Variants in HS6ST1 observed in about 807,000 individuals in gnomAD.
HS6ST1 encodes heparan-sulfate 6-O-sulfotransferase 1.
In HS6ST1, 3 loss-of-function variants were observed where a neutral mutation model predicts 25.2. That is an observed-to-expected ratio of 0.12 (90% confidence interval 0.05 to 0.31). The LOEUF (loss-of-function observed/expected upper bound fraction) is 0.31, where lower values mean the gene tolerates loss of function less well. Ranked by LOEUF, HS6ST1 falls within the 10% of genes least tolerant of loss-of-function variation. The pLI is 1.00. For synonymous variants in HS6ST1, 204 were observed against 275.1 expected, an observed-to-expected ratio of 0.74 and a Z score of 2.56; for missense variants, 310 against 609.6, an observed-to-expected ratio of 0.51 and a Z score of 5.18.
chr2:128,318,767 A>G lies in HS6ST1; in HGVS notation c.-204T>C, dbSNP rs1034463837. 7.6e-5 allele frequency among the ~76,000 whole-genome samples: 11 copies of G among 144,376 alleles called. No homozygotes were observed. Among genetic ancestry groups the G allele is most frequent in the Non-Finnish European group, 1.4e-4 (9 of 65,470 alleles). The allele number at this position is 144,376 out of a possible 152,430, so 94.7% of individuals were successfully genotyped here. A position where few individuals can be genotyped will look rare whatever the true frequency, so the allele number is the denominator to read the frequency against. On this transcript the variant is annotated 5_prime_UTR_variant, in exon 1 of 2. Transcript: ENST00000259241. The surrounding 1 kb of genome is among the most constrained non-coding windows in gnomAD (Gnocchi z 5.7). Reference sequence around the variant, plus strand: ...CCCGGCTCCCCGGGCCCGACGCCCGACTCCGCTCCCGCTCGGCCCCGCTCC... The same window carrying G: ...CCCGGCTCCCCGGGCCCGACGCCCGGCTCCGCTCCCGCTCGGCCCCGCTCC...
At chr2:128,278,420 A>AGAT (rs535069053) in intron 1 of HS6ST1, among the ~76,000 whole-genome samples, 281 of 152,214 alleles carry the variant, frequency 1.8e-3, no homozygotes, top group African/African-American at 6.1e-3. Flanking sequence ...GGGGCACAGG[A>AGAT]GATTGGAGCC....
At chr2:128,297,925 T>C (rs1385093125) in intron 1 of HS6ST1, among the ~76,000 whole-genome samples, 1 of 152,016 alleles carries the variant, frequency 6.6e-6, no homozygotes, top group African/African-American at 2.4e-5. Flanking sequence ...TGGAAGAAAA[T>C]ATTTGTAAAT....
chr2:128,272,458 C>G (rs1306443478), intron 1 of HS6ST1, among the ~76,000 whole-genome samples: 1 of 152,222 alleles, frequency 6.6e-6, no homozygotes, highest in Non-Finnish European at 1.5e-5. Flanking sequence ...CTAGTAGCCC[C>G]AGATGGCACG....
intron 1 of HS6ST1, among the ~76,000 whole-genome samples, chr2:128,278,504 G>C (rs1693729888): frequency 6.6e-6 from 1 of 152,212 alleles, no homozygotes; most frequent in Admixed American, 6.5e-5. Flanking sequence ...AGACATGGCA[G>C]GGCTGCCTCA....
At chr2:128,303,959 G>GGAA (rs1694170214) in intron 1 of HS6ST1, among the ~76,000 whole-genome samples, 1 of 152,202 alleles carries the variant, frequency 6.6e-6, no homozygotes, top group Admixed American at 6.5e-5. Flanking sequence ...GGAAGGTGGA[G>GGAA]GAAGGGTGAA....
At chr2:128,291,823 C>T (rs953539215) in intron 1 of HS6ST1, among the ~76,000 whole-genome samples, 11 of 152,354 alleles carry the variant, frequency 7.2e-5, no homozygotes, top group Non-Finnish European at 1.2e-4. Flanking sequence ...GCAGGGGCGC[C>T]GGCGGGCATC....
At chr2:128,269,978 C>T (rs961764420) in intron 1 of HS6ST1, among the ~76,000 whole-genome samples, 2 of 152,206 alleles carry the variant, frequency 1.3e-5, no homozygotes, top group Non-Finnish European at 2.9e-5. Context: ...CTGATCTGAC[C>T]GCACACCTCC....
chr2:128,293,294 G>A (rs548238217), intron 1 of HS6ST1, among the ~76,000 whole-genome samples: 1 of 152,340 alleles, frequency 6.6e-6, no homozygotes, highest in Non-Finnish European at 1.5e-5. Context: ...CCATAAGCCT[G>A]CCCAAGGGCC....
chr2:128,311,437 C>A (rs185571009), intron 1 of HS6ST1, among the ~76,000 whole-genome samples: 1 of 152,276 alleles, frequency 6.6e-6, no homozygotes, highest in East Asian at 1.9e-4. Flanking sequence ...TCTGACTGGG[C>A]CCCACATGCT....
At position 128,269,821 on chromosome 2, in the gene HS6ST1, C is replaced by A. The variant is rs749247406; in HGVS notation, c.528-951G>T. Among the ~76,000 whole-genome samples, 8 of 152,218 alleles carry A rather than the reference C, an allele frequency of 5.3e-5. 1 individual carries two copies. Among genetic ancestry groups the A allele is most frequent in the Non-Finnish European group, 8.8e-5 (6 of 68,034 alleles). On this transcript the variant is annotated intron_variant, in intron 1 of 1. Transcript: ENST00000259241. ...GCAGCTCCAGAAGGGCCCTGACCCC[C>A]CGCCAGGATTCCCCAGATGGCAACA...
chr2:128,274,294 A>G (rs1693657831), intron 1 of HS6ST1, among the ~76,000 whole-genome samples: 1 of 151,992 alleles, frequency 6.6e-6, no homozygotes, highest in African/African-American at 2.4e-5. Flanking sequence ...TAAAAAGTTG[A>G]CCCTTGAAGC....
chr2:128,291,375 G>A (rs1046209462), intron 1 of HS6ST1, among the ~76,000 whole-genome samples: 4 of 152,270 alleles, frequency 2.6e-5, no homozygotes, highest in Non-Finnish European at 5.9e-5. Flanking sequence ...CGCTCAGTGA[G>A]GTGTGAGTCC....
intron 1 of HS6ST1, among the ~76,000 whole-genome samples, chr2:128,300,178 C>T (rs944171244): frequency 7.2e-5 from 11 of 152,350 alleles, no homozygotes; most frequent in African/African-American, 2.6e-4. Flanking sequence ...GAACTACAGG[C>T]CCATCCCCAA....
chr2:128,276,884 C>G (rs1313862007), intron 1 of HS6ST1, among the ~76,000 whole-genome samples: 1 of 152,164 alleles, frequency 6.6e-6, no homozygotes, highest in East Asian at 1.9e-4. Context: ...ACGAGCTACG[C>G]TGCTGTGGTG....
At chr2:128,300,629 G>T (rs1694110512) in intron 1 of HS6ST1, among the ~76,000 whole-genome samples, 1 of 152,292 alleles carries the variant, frequency 6.6e-6, no homozygotes, top group South Asian at 2.1e-4. Context: ...CTCTTCGGGG[G>T]AGGCTGTAAC....
intron 1 of HS6ST1, among the ~76,000 whole-genome samples, chr2:128,303,297 C>T (rs71420836): frequency 0.076 from 11,582 of 152,300 alleles, 652 homozygotes; most frequent in South Asian, 0.12. Context: ...CTCAGGGACA[C>T]GGGGCCATGC....
intron 1 of HS6ST1, among the ~76,000 whole-genome samples, chr2:128,282,479 G>A (rs1336750532): frequency 6.6e-6 from 1 of 152,202 alleles, no homozygotes; most frequent in Admixed American, 6.5e-5. Flanking sequence ...GGTTGAAAAC[G>A]CTGCGGGTGC....
At position 128,318,151 on chromosome 2, in the gene HS6ST1, A is replaced by C; in HGVS notation, c.413T>G (p.Phe138Cys). ...YRPNRRETWL[F>C]SRFSTGWSCG... ...GCTCCAGCCGGTGGAGAAGCGGGAGAAGAGCCAAGTCTCGCGGCGGTTGGG... is the reference window on the plus strand; with the variant it reads ...GCTCCAGCCGGTGGAGAAGCGGGAGCAGAGCCAAGTCTCGCGGCGGTTGGG... The change falls in exon 1 of 2, where the codon TTC becomes TGC. Residue 138 changes from phenylalanine (F) to cysteine (C), a missense_variant. Physicochemically the swap from Phe to Cys is radical, Grantham distance 205 (BLOSUM62 -2). Transcript: ENST00000259241. This position sits in a 1 kb window ranked among gnomAD's most constrained non-coding sequence, Gnocchi z 5.7. 1 of 1,531,058 alleles carries C rather than the reference A, an allele frequency of 6.5e-7. No homozygotes were observed. Among genetic ancestry groups the C allele is most frequent in the Non-Finnish European group, 8.8e-7 (1 of 1,138,464 alleles). 94.8% of individuals were successfully genotyped at this position (1,531,058 alleles called of 1,614,324 possible). A position where few individuals can be genotyped will look rare whatever the true frequency, so the allele number is the denominator to read the frequency against.
intron 1 of HS6ST1, among the ~76,000 whole-genome samples, chr2:128,285,413 C>T (rs935135459): frequency 3.3e-5 from 5 of 152,212 alleles, no homozygotes; most frequent in African/African-American, 9.6e-5. Context: ...GGCCCAACAA[C>T]GTGAGGCCCT....
Sources: allele counts gnomAD v4.1 joint callset (sites outside exome capture counted in the v4.1 genomes callset), GRCh38; gene constraint gnomAD v4.1.1; non-coding constraint Gnocchi (gnomAD v3.1); transcripts MANE v1.5; gene names NCBI Gene and HGNC (gene_info 2026-07-23, HGNC 2026-07-21).